The following MAN2C1 variants were observed in gnomAD, a reference collection of about 807,000 sequenced individuals.
MAN2C1 encodes alpha-mannosidase 2C1.
MAN2C1 carries 111 observed loss-of-function variants against 126.9 expected under a neutral mutation model. The ratio of observed to expected loss-of-function variants is 0.87; its 90% CI spans 0.75 to 1.02. MAN2C1 has a LOEUF of 1.02. MAN2C1 is among the 50% of genes least tolerant of loss of function. The pLI, the probability that MAN2C1 is intolerant of heterozygous loss-of-function variation, is 0.00. For missense variants in MAN2C1, 1,363 were observed against 1,364.4 expected (o/e 1.00, Z 0.02); for synonymous variants, 567 against 561.5 (o/e 1.01, Z -0.14).
intron 5 of MAN2C1, 34 bp from the exon 6 acceptor site, chr15:75,364,222 C>A: frequency 6.3e-7 from 1 of 1,577,004 alleles, no homozygotes; most frequent in Non-Finnish European, 8.6e-7. Context: ...ATCCCTTTTT[C>A]AAGCACAGCT....
At chr15:75,359,177 C>CT in intron 17 of MAN2C1, 24 bp from the exon 18 acceptor site, 2 of 1,613,458 alleles carry the variant, frequency 1.2e-6, no homozygotes, top group African/African-American at 1.3e-5. Flanking sequence ...GGCCTTGAGG[C>CT]TGAGTCTGTA....
chr15:75,359,979 A>C lies in MAN2C1; in HGVS notation c.1716T>G (p.Leu572=). ...AQLQHLWRLL[L]LNQFHDVVTG... ...TCACCACATCATGGAACTGGTTCAG[A>C]AGAAGGAGCCTGCAGGGGCCAAGGG... is the stretch of plus-strand genomic sequence containing the variant. Residue 572 remains leucine (L), a synonymous_variant, in exon 15 of 26, where the codon CTT becomes CTG. Transcript: ENST00000267978. 1 of 1,613,718 alleles carries C rather than the reference A, an allele frequency of 6.2e-7. No individual in the cohort carries two copies. The highest frequency in any genetic ancestry group is 8.5e-7 in the Non-Finnish European group (1 of 1,179,656).
In MAN2C1 at chr15:75,359,054, GGC is replaced by G. The variant is rs1377198662; in HGVS notation, c.2141+3_2141+4del. On this transcript the variant is annotated splice_donor_region_variant and intron_variant, in intron 18 of 25. Coordinates refer to ENST00000267978, the MANE Select transcript of MAN2C1 (RefSeq NM_006715.4). ...CACTGGGAAAGGGCAATGAGGATTT[GGC>G]ACCTGCCAGAGGCCACCAGGACCAA... The G allele has an allele frequency of 7.4e-6, 12 of 1,613,672 alleles. No individual in the cohort carries two copies. Among genetic ancestry groups the G allele is most frequent in the Non-Finnish European group, 1.0e-5 (12 of 1,179,898 alleles).
In MAN2C1 at chr15:75,367,623, C is replaced by T. The variant is rs779759446; in HGVS notation, c.239G>A (p.Cys80Tyr). The T allele has an allele frequency of 1.2e-6, 2 of 1,614,162 alleles. No individual in the cohort carries two copies. The highest frequency in any genetic ancestry group is 1.3e-5 in the African/African-American group (1 of 75,044). ...GDSFGPTWWTCWFRVELTIPE... is the reference protein window; with the variant it reads ...GDSFGPTWWTYWFRVELTIPE... ...GATGGTCAGCTCCACCCGGAACCAG[C>T]AGGTCCACCATCTGCAAGAGAGCTG... The change falls in exon 3 of 26, where the codon TGC (cysteine) becomes TAC (tyrosine). Residue 80 changes from cysteine (C) to tyrosine (Y), a missense_variant. By Grantham distance (194) the Cys-to-Tyr change is radical (BLOSUM62 -2). Transcript: ENST00000267978.
Position 75,361,117 on chromosome 15 carries a change from A to C in MAN2C1, c.1389T>G (p.Asp463Glu). The C allele has an allele frequency of 6.2e-7, 1 of 1,613,210 alleles. No homozygotes were observed. Among genetic ancestry groups the C allele is most frequent in the Non-Finnish European group, 8.5e-7 (1 of 1,179,744 alleles). Residue 463 changes from aspartate (D) to glutamate (E), a missense_variant, in exon 12 of 26, where the codon GAT becomes GAG. Around this residue, in one of 3 missense-constraint regions of MAN2C1, gnomAD observed 628 missense variants for 609.8 expected, o/e 1.03. Coordinates refer to ENST00000267978, the MANE Select transcript of MAN2C1 (RefSeq NM_006715.4). This position sits in a 1 kb window ranked among gnomAD's most constrained non-coding sequence, Gnocchi z 5.0. ...TGGTCTGGGTGGGGCCACCACCCCC[A>C]TCCCCAAAGCCAAAGAGGAAGGCAC... ...NHSAFLFGFGDGGGGPTQTML... is the reference protein window; with the variant it reads ...NHSAFLFGFGEGGGGPTQTML...
rs1128933 is a variant in MAN2C1 at position 75,358,495 on chromosome 15, G to A, written c.2370C>T (p.Asp790=). The A allele has an allele frequency of 0.46, 744,235 of 1,613,224 alleles. 178,303 individuals carry two copies. The highest frequency in any genetic ancestry group is 0.54 in the South Asian group (49,309 of 91,080). Reference sequence around the variant, plus strand: ...GGAAGCGGACATAGGGGCAGCCAACGTCCAGCACAACCTCCTGGCTAAGCC... The same window carrying A: ...GGAAGCGGACATAGGGGCAGCCAACATCCAGCACAACCTCCTGGCTAAGCC... The part of the protein sequence containing the change: ...NSRLSQEVVL[D]VGCPYVRFHT... The change falls in exon 20 of 26, where the codon GAC becomes GAT. Residue 790 remains aspartate, a synonymous_variant. Coordinates refer to ENST00000267978, the MANE Select transcript of MAN2C1 (RefSeq NM_006715.4).
At chr15:75,363,606 G>C (rs1046009715) in intron 6 of MAN2C1, 4 of 329,254 alleles carry the variant, frequency 1.2e-5, no homozygotes, top group Non-Finnish European at 2.3e-5. Context: ...AGGAGTTTGA[G>C]ACCAGCCTGG....
intron 1 of MAN2C1, 104 bp from the exon 2 acceptor site, chr15:75,368,302 G>A (rs1416719954): frequency 3.3e-6 from 5 of 1,497,682 alleles, no homozygotes; most frequent in Admixed American, 2.2e-5. Context: ...TCCGCCAAGA[G>A]GGCTGCCTGG....
At position 75,362,477 on chromosome 15, in the gene MAN2C1, G is replaced by A. The variant is rs201025887; in HGVS notation, c.898-24C>T. The stretch of plus-strand genomic sequence containing the variant: ...GCCTGTGGGCAGGTTGAAGGGAGCT[G>A]GGACCAGAGTGACAAGGGCCCCACC... On this transcript the variant is annotated intron_variant, in intron 7 of 25. Transcript: ENST00000267978. The surrounding 1 kb of genome is among the most constrained non-coding windows in gnomAD (Gnocchi z 4.5). 393 of 1,585,396 alleles carry A rather than the reference G, an allele frequency of 2.5e-4. No individual in the cohort carries two copies. The highest frequency in any genetic ancestry group is 5.4e-4 in the African/African-American group (40 of 74,302).
At chr15:75,360,821 G>T in intron 12 of MAN2C1, 133 bp from the exon 13 acceptor site, 1 of 1,264,120 alleles carries the variant, frequency 7.9e-7, no homozygotes, top group East Asian at 2.4e-5. Context: ...CAGATGGCCA[G>T]CCCTGGACGC....
chr15:75,360,452 C>T, intron 13 of MAN2C1, 113 bp downstream of exon 13: 1 of 1,472,730 alleles, frequency 6.8e-7, no homozygotes, highest in East Asian at 2.4e-5. Context: ...CTTCTCTCCT[C>T]CAAACTTCTC....
At chr15:75,360,250 A>T in intron 13 of MAN2C1, 39 bp from the exon 14 acceptor site, 1 of 1,599,820 alleles carries the variant, frequency 6.3e-7, no homozygotes, top group Non-Finnish European at 8.5e-7. Flanking sequence ...GAGCCTGCTT[A>T]GCTGTCCCAG....
In MAN2C1 at chr15:75,359,933, C is replaced by T. The variant is rs1266854642; in HGVS notation, c.1762G>A (p.Val588Met). ...TAATGGCACATGGCTTCCTCTGCCA[C>T]CATCTGGATGCAGCTTCCAGTCACC... ...DVVTGSCIQM[V>M]AEEAMCHYED... Residue 588 changes from valine (V) to methionine (M), a missense_variant, in exon 15 of 26, where the codon GTG becomes ATG. Physicochemically the swap from Val to Met is conservative, Grantham distance 21 (BLOSUM62 1). Coordinates refer to ENST00000267978, the MANE Select transcript of MAN2C1 (RefSeq NM_006715.4). 2 of 1,613,376 alleles carry T rather than the reference C, an allele frequency of 1.2e-6. No homozygotes were observed. Among genetic ancestry groups the T allele is most frequent in the Non-Finnish European group, 1.7e-6 (2 of 1,179,644 alleles).
rs368236073 is a variant in MAN2C1 at position 75,356,705 on chromosome 15, T to G, written c.2658-20A>C. The G allele has an allele frequency of 8.7e-6, 14 of 1,609,708 alleles. No individual in the cohort carries two copies. In the South Asian group the frequency reaches 1.5e-4, roughly 18 times the overall value. The stretch of plus-strand genomic sequence containing the variant: ...CGCAAGCTGGGGTGAGGAGGGCGCG[T>G]AGGGGCCACGCTGAAGCTGTTGGAG... On this transcript the variant is annotated intron_variant, in intron 22 of 25. Coordinates refer to ENST00000267978, the MANE Select transcript of MAN2C1 (RefSeq NM_006715.4). The surrounding 1 kb of genome is among the most constrained non-coding windows in gnomAD (Gnocchi z 5.8).
Position 75,356,177 on chromosome 15 carries a change from A to G in MAN2C1, c.2929T>C (p.Tyr977His), listed in dbSNP as rs1394143223. ...TCCACGTGGCTGCCGTGGGCCTCAT[A>G]CAGCCTCAGGACCAGCGAGCGGCGC... The part of the protein sequence containing the change: ...PQRRSLVLRL[Y>H]EAHGSHVDCW... The change falls in exon 25 of 26, where the codon TAT becomes CAT. Residue 977 changes from tyrosine (Y) to histidine (H), a missense_variant. By Grantham distance (83) the Tyr-to-His change is moderately conservative. This residue lies in a region of MAN2C1 where 668 missense variants were observed against 650.1 expected (regional missense o/e 1.03). Coordinates refer to ENST00000267978, the MANE Select transcript of MAN2C1 (RefSeq NM_006715.4). This position sits in a 1 kb window ranked among gnomAD's most constrained non-coding sequence, Gnocchi z 5.8. 1 of 1,613,588 alleles carries G rather than the reference A, an allele frequency of 6.2e-7. No individual in the cohort carries two copies. Among genetic ancestry groups the G allele is most frequent in the Non-Finnish European group, 8.5e-7 (1 of 1,179,974 alleles).
At position 75,363,806 on chromosome 15, in the gene MAN2C1, C is replaced by CAAA. The variant is rs773976642; in HGVS notation, c.790+190_790+192dup. 283 of 518,938 alleles carry CAAA rather than the reference C, an allele frequency of 5.5e-4. No individual in the cohort carries two copies. The East Asian group carries it at 7.1e-3, about 13-fold the overall frequency. The allele number at this position is 518,938 out of a possible 1,614,324, so 32.1% of individuals were successfully genotyped here. A position where few individuals can be genotyped will look rare whatever the true frequency, so the allele number is the denominator to read the frequency against. On this transcript the variant is annotated intron_variant, in intron 6 of 25. Transcript: ENST00000267978. ...GGGTGACAAGAGTGAGACTCCGTCTCAAAAAAAAAAAAAGTGAATCCAAAG... is the reference window on the plus strand; with the variant it reads ...GGGTGACAAGAGTGAGACTCCGTCTCAAAAAAAAAAAAAAAAGTGAATCCAAAG...
In MAN2C1 at chr15:75,356,699, G is replaced by A. The variant is rs1286813895; in HGVS notation, c.2658-14C>T. On this transcript the variant is annotated splice_polypyrimidine_tract_variant and intron_variant, in intron 22 of 25. Transcript: ENST00000267978. The surrounding 1 kb of genome is among the most constrained non-coding windows in gnomAD (Gnocchi z 5.8). The stretch of plus-strand genomic sequence containing the variant: ...GGCGCCCGCAAGCTGGGGTGAGGAG[G>A]GCGCGTAGGGGCCACGCTGAAGCTG... The A allele has an allele frequency of 3.1e-6, 5 of 1,605,130 alleles. No homozygotes were observed. Among genetic ancestry groups the A allele is most frequent in the Non-Finnish European group, 4.3e-6 (5 of 1,176,236 alleles).
intron 2 of MAN2C1, 85 bp downstream of exon 2, chr15:75,367,988 G>C: frequency 4.1e-6 from 6 of 1,471,140 alleles, no homozygotes; most frequent in Middle Eastern, 1.7e-4. Context: ...CTACGGCAGA[G>C]GGCAGACAAC....
Position 75,361,786 on chromosome 15 carries a change from C to T in MAN2C1, c.1102-66G>A. 1.3e-6 allele frequency: 2 copies of T among 1,589,578 alleles called. No individual in the cohort carries two copies. The highest frequency in any genetic ancestry group is 2.2e-5 in the South Asian group (2 of 90,550). ...CCAGGCGGACTCACCCCAGCCTCAG[C>T]CCCTCAGCACTCCAAGTCGAGCGCC... On this transcript the variant is annotated intron_variant, in intron 9 of 25. Transcript: ENST00000267978. The surrounding 1 kb of genome is among the most constrained non-coding windows in gnomAD (Gnocchi z 5.0).
Sources: gnomAD v4.1 joint callset for allele counts on GRCh38, gnomAD v4.1.1 for gene constraint, gnomAD v4.1.1 regional missense constraint, Gnocchi (gnomAD v3.1) non-coding constraint, MANE v1.5 for transcripts, NCBI Gene and HGNC (gene_info 2026-07-23, HGNC 2026-07-21) for gene names.